KIR2DL4: variants seen among roughly 807,000 people sequenced by gnomAD.
KIR2DL4 encodes the protein killer cell immunoglobulin-like receptor 2DL4.
In KIR2DL4, 41 loss-of-function variants were observed where a neutral mutation model predicts 31.0. The observed-to-expected ratio is 1.32, with a 90% CI of 1.03 to 1.72. The LOEUF (loss-of-function observed/expected upper bound fraction) is 1.72. Ranked by LOEUF, KIR2DL4 falls within the 40% of genes most tolerant of loss-of-function variation. The pLI is 0.00. For synonymous variants in KIR2DL4, 164 were observed against 133.6 expected (o/e 1.23, Z -1.57); for missense variants, 438 against 353.7 (o/e 1.24, Z -1.91).
At chr19:54,813,359 T>C in intron 6 of KIR2DL4, 24 of 1,438,252 alleles carry the variant, frequency 1.7e-5, no homozygotes, top group Non-Finnish European at 2.2e-5. Flanking sequence ...CAGAGCTTTC[T>C]AGAGAGAGCA....
chr19:54,810,653 A>T (rs2060809887), intron 5 of KIR2DL4, among the ~76,000 whole-genome samples: 2 of 151,388 alleles, frequency 1.3e-5, no homozygotes, highest in Non-Finnish European at 2.9e-5. Context: ...TGACATGGGG[A>T]GAATGACAAG....
chr19:54,809,987 CA>C (rs1162272787), intron 5 of KIR2DL4, among the ~76,000 whole-genome samples: 1 of 149,630 alleles, frequency 6.7e-6, no homozygotes, highest in Non-Finnish European at 1.5e-5. Flanking sequence ...AAATGGTAAA[CA>C]AGGTGCATTT....
chr19:54,804,428 C>T (rs1000922558), intron 2 of KIR2DL4, among the ~76,000 whole-genome samples: 5 of 150,954 alleles, frequency 3.3e-5, no homozygotes, highest in South Asian at 2.1e-4. Context: ...ACCACAGCCA[C>T]GACCCTGCCA....
At chr19:54,808,809 C>A in intron 4 of KIR2DL4, 24 bp from the exon 5 acceptor site, 2 of 1,528,610 alleles carry the variant, frequency 1.3e-6, no homozygotes, top group Non-Finnish European at 1.8e-6. Context: ...CATTGCCACA[C>A]CTCTCTCCTG....
chr19:54,803,891 G>A, exon 2 of KIR2DL4: 1 of 1,609,972 alleles, frequency 6.2e-7, no homozygotes, highest in Non-Finnish European at 8.5e-7. Flanking sequence ...TTCTTTGCAG[G>A]GTTCTTCTTG....
At position 54,805,063 on chromosome 19, in the gene KIR2DL4, T is replaced by G. The variant is rs748122089; in HGVS notation, c.347T>G (p.Val116Gly). 14 of 1,605,778 alleles carry G rather than the reference T, an allele frequency of 8.7e-6. 1 individual carries two copies. The highest frequency in any genetic ancestry group is 1.0e-5 in the Non-Finnish European group (12 of 1,178,040). Residue 116 changes from valine to glycine, a missense_variant, in exon 3 of 8, where the codon GTG becomes GGG. Coordinates refer to ENST00000359085, the Ensembl canonical transcript of KIR2DL4. ...TGGTCGGCACCCAGCAACCCCCTGG[T>G]GATCATGGTCACAGGTCAGAGGGCT... is the stretch of plus-strand genomic sequence containing the variant.
chr19:54,808,769 G>T lies in KIR2DL4; in HGVS notation c.656-64G>T, dbSNP rs1197284665. 4.4e-5 allele frequency: 54 copies of T among 1,215,230 alleles called. 1 individual carries two copies. Among genetic ancestry groups the T allele is most frequent in the Non-Finnish European group, 5.8e-5 (49 of 838,162 alleles). The allele number at this position is 1,215,230 out of a possible 1,614,324, so 75.3% of individuals were successfully genotyped here. Reference sequence around the variant, plus strand: ...ATGTTGGCCATGAACCAACCTCAAAGATTTCCATTGAGTAGAAGACAGGCA... The same window carrying T: ...ATGTTGGCCATGAACCAACCTCAAATATTTCCATTGAGTAGAAGACAGGCA... On this transcript the variant is annotated intron_variant, in intron 4 of 7. Transcript: ENST00000359085.
At chr19:54,813,376 ACCCTGC>A in intron 6 of KIR2DL4, 1 of 1,261,250 alleles carries the variant, frequency 7.9e-7, no homozygotes, top group Non-Finnish European at 1.1e-6. Flanking sequence ...AGCACCAGAC[ACCCTGC>A]CCCTGCCTTC....
At chr19:54,804,998 C>T in exon 3 of KIR2DL4, 2 of 1,611,898 alleles carry the variant, frequency 1.2e-6, no homozygotes, top group East Asian at 2.2e-5. Context: ...ACGCAGGGAC[C>T]TACAGATGTC....
rs539322264 is a variant in KIR2DL4 at position 54,814,118 on chromosome 19, G to C, written c.*318G>C. On this transcript the variant is annotated 3_prime_UTR_variant, in exon 8 of 8. Coordinates refer to ENST00000359085, the Ensembl canonical transcript of KIR2DL4. The stretch of plus-strand genomic sequence containing the variant: ...ACCAGCAGCTGGAATCTGAAGGCGT[G>C]AGTCTCCATCTTAGAGCATCACTCT... 537 of 1,608,666 alleles carry C rather than the reference G, an allele frequency of 3.3e-4. 32 individuals are homozygous for C. The South Asian group carries it at 5.6e-3, about 17-fold the overall frequency.
intron 1 of KIR2DL4, 30 bp downstream of exon 1, chr19:54,803,721 G>A: frequency 6.2e-7 from 1 of 1,606,760 alleles, no homozygotes; most frequent in South Asian, 1.1e-5. Context: ...GAGCACCAGG[G>A]TTACACTATG....
chr19:54,813,642 A>G lies in KIR2DL4; in HGVS notation c.811-48A>G, dbSNP rs1484439777. 2.5e-6 allele frequency: 4 copies of G among 1,576,500 alleles called. 1 individual carries two copies. Among genetic ancestry groups the G allele is most frequent in the African/African-American group, 2.7e-5 (2 of 73,092 alleles). On this transcript the variant is annotated intron_variant, in intron 6 of 7. Coordinates refer to ENST00000359085, the Ensembl canonical transcript of KIR2DL4. ...GTTGGTATCTGTTCATGAAATGAGG[A>G]CCCAGAAGTGCCCTCCCAGCTGTTT...
At chr19:54,813,581 T>G in intron 6 of KIR2DL4, 109 bp from the exon 6 acceptor site, 1 of 1,135,004 alleles carries the variant, frequency 8.8e-7, no homozygotes. Flanking sequence ...TGTTGGCAGC[T>G]GAGGGACCTC....
chr19:54,811,059 G>A (rs1401280362), intron 5 of KIR2DL4, among the ~76,000 whole-genome samples: 3 of 151,310 alleles, frequency 2.0e-5, no homozygotes, highest in Non-Finnish European at 4.4e-5. Context: ...TGGCAGAGGA[G>A]TGAGAGATAC....
At chr19:54,805,444 G>A (rs1003830617) in intron 3 of KIR2DL4, among the ~76,000 whole-genome samples, 1 of 151,188 alleles carries the variant, frequency 6.6e-6, no homozygotes, top group Admixed American at 6.6e-5. Context: ...GAGCAGCATC[G>A]TGGGATACTC....
chr19:54,813,265 C>A (rs1214056634), intron 6 of KIR2DL4: 2 of 1,598,194 alleles, frequency 1.3e-6, no homozygotes, highest in Non-Finnish European at 1.7e-6. Flanking sequence ...GAACTCAGGG[C>A]CCTGTGCGGA....
Position 54,806,130 on chromosome 19 carries a change from G to A in KIR2DL4, c.541G>A (p.Asp181Asn), listed in dbSNP as rs546044168. 4.4e-4 allele frequency: 715 copies of A among 1,611,938 alleles called. 32 individuals are homozygous for A. The African/African-American group carries it at 6.5e-3, about 15-fold the overall frequency. ...CAGCATCAATGGAACATTCCAGGCC[G>A]ACTTCCCTCTGGGTCCTGCCACCCA... is the stretch of plus-strand genomic sequence containing the variant. Residue 181 changes from aspartate to asparagine, a missense_variant, in exon 4 of 8, where the codon GAC becomes AAC. Asp to Asn is a conservative substitution (Grantham distance 23, BLOSUM62 1). Coordinates refer to ENST00000359085, the Ensembl canonical transcript of KIR2DL4.
intron 5 of KIR2DL4, among the ~76,000 whole-genome samples, chr19:54,810,503 A>C (rs1381352960): frequency 6.6e-6 from 1 of 151,092 alleles, no homozygotes; most frequent in Non-Finnish European, 1.5e-5. Flanking sequence ...ATCAAATAAT[A>C]CTTGTGACCT....
chr19:54,814,361 C>G (rs34785252), exon 8 of KIR2DL4: 5 of 522,042 alleles, frequency 9.6e-6, no homozygotes, highest in African/African-American at 7.7e-5. Flanking sequence ...GAGGCTCTCT[C>G]TTAACACGGC....
Sources: allele counts gnomAD v4.1 joint callset (sites outside exome capture counted in the v4.1 genomes callset), GRCh38; gene constraint gnomAD v4.1.1; transcripts MANE v1.5; gene names NCBI Gene and HGNC (gene_info 2026-07-23, HGNC 2026-07-21).